Variants in PPP1R36 observed in about 807,000 individuals in gnomAD.
The protein encoded by PPP1R36 is chromosome 14 open reading frame 50.
Under a neutral mutation model 53.4 loss-of-function variants are expected in PPP1R36, and 47 were observed. The ratio of observed to expected loss-of-function variants is 0.88; its 90% CI spans 0.70 to 1.12. The LOEUF (loss-of-function observed/expected upper bound fraction) is 1.12, where lower values mean the gene tolerates loss of function less well. Among genes scored for constraint, PPP1R36 ranks in the 50% most tolerant of loss-of-function variants. The pLI is 0.00. For synonymous variants in PPP1R36, 153 were observed against 170.5 expected, an observed-to-expected ratio of 0.90 and a Z score of 0.80; for missense variants, 456 against 513.9, an observed-to-expected ratio of 0.89 and a Z score of 1.09.
intron 3 of PPP1R36, among the ~76,000 whole-genome samples, chr14:64,558,459 G>T (rs1173429089): frequency 6.6e-6 from 1 of 151,864 alleles, no homozygotes; most frequent in Non-Finnish European, 1.5e-5. Context: ...TGTGCCTGTG[G>T]TTCCAGATAC....
chr14:64,587,057 A>G (rs374343773), intron 9 of PPP1R36, 137 bp from the exon 10 acceptor site: 2 of 821,150 alleles, frequency 2.4e-6, no homozygotes, highest in Admixed American at 2.8e-5. Flanking sequence ...GAGTATGTGT[A>G]TAATTTTTCA....
chr14:64,561,717 C>T (rs914668119), intron 3 of PPP1R36: 27 of 453,990 alleles, frequency 5.9e-5, no homozygotes, highest in African/African-American at 5.0e-4. Flanking sequence ...CAGGCATCAT[C>T]TAGGTTGGCC....
chr14:64,554,601 G>A (rs367613719), intron 3 of PPP1R36, among the ~76,000 whole-genome samples: 1 of 152,200 alleles, frequency 6.6e-6, no homozygotes, highest in East Asian at 1.9e-4. Flanking sequence ...TGTTACTCCA[G>A]TTGGTGGTGA....
At chr14:64,550,317 C>A (rs1459335802) in intron 1 of PPP1R36, 2 of 1,316,246 alleles carry the variant, frequency 1.5e-6, no homozygotes, top group Non-Finnish European at 1.9e-6. Context: ...TCCCACCTCA[C>A]CACCTCTAAT....
At chr14:64,554,618 C>T (rs779727186) in intron 3 of PPP1R36, among the ~76,000 whole-genome samples, 3 of 152,068 alleles carry the variant, frequency 2.0e-5, no homozygotes, top group Non-Finnish European at 4.4e-5. Flanking sequence ...GTGAAGAGGC[C>T]AGGCTGAGGC....
chr14:64,552,369 A>G (rs2080101294), intron 2 of PPP1R36, among the ~76,000 whole-genome samples: 1 of 152,132 alleles, frequency 6.6e-6, no homozygotes, highest in Admixed American at 6.6e-5. Flanking sequence ...GGCACCTGTA[A>G]TCCCAGCTAC....
In PPP1R36 at chr14:64,565,728, T is replaced by C. The variant is rs375746000; in HGVS notation, c.434+36T>C. On this transcript the variant is annotated intron_variant, in intron 6 of 11. Transcript: ENST00000298705. The stretch of plus-strand genomic sequence containing the variant: ...CTTATGAGTCATTTTAGATCTTTTA[T>C]CCTTTATTTTTCAGTAACTTCATCT... 3 of 1,480,584 alleles carry C rather than the reference T, an allele frequency of 2.0e-6. No individual in the cohort carries two copies. The African/African-American group carries it at 4.2e-5, about 20-fold the overall frequency. 91.7% of individuals were successfully genotyped at this position (1,480,584 alleles called of 1,614,324 possible). A position where few individuals can be genotyped will look rare whatever the true frequency, so the allele number is the denominator to read the frequency against.
chr14:64,550,051 C>T lies in PPP1R36; in HGVS notation c.54C>T (p.Thr18=). 1 of 1,568,072 alleles carries T rather than the reference C, an allele frequency of 6.4e-7. No homozygotes were observed. Among genetic ancestry groups the T allele is most frequent in the Non-Finnish European group, 8.6e-7 (1 of 1,156,224 alleles). The change falls in exon 1 of 12, where the codon ACC becomes ACT. Residue 18 remains threonine (T), a synonymous_variant. Coordinates refer to ENST00000298705, the MANE Select transcript of PPP1R36 (RefSeq NM_172365.3). ...GGAGGAAGCGGTTAGGTGGGCAGACCCCTTACTTGATGGATGTAAGTGCAG... is the reference window on the plus strand; with the variant it reads ...GGAGGAAGCGGTTAGGTGGGCAGACTCCTTACTTGATGGATGTAAGTGCAG... ...YARRKRLGGQ[T]PYLMDQLGLR...
intron 11 of PPP1R36, among the ~76,000 whole-genome samples, chr14:64,588,821 A>C (rs2080459654): frequency 6.6e-6 from 1 of 151,956 alleles, no homozygotes; most frequent in South Asian, 2.1e-4. Context: ...CGGCCTCCCA[A>C]AGTGCTGGGA....
At chr14:64,570,788 G>A (rs1683962318) in intron 7 of PPP1R36, among the ~76,000 whole-genome samples, 1 of 152,210 alleles carries the variant, frequency 6.6e-6, no homozygotes, top group South Asian at 2.1e-4. Context: ...GGTGAAGATG[G>A]ATGGCAACGG....
At chr14:64,586,946 G>A in intron 9 of PPP1R36, 67 bp downstream of exon 9, 1 of 1,264,620 alleles carries the variant, frequency 7.9e-7, no homozygotes, top group South Asian at 1.2e-5. Context: ...ATGGCCATTT[G>A]TCAGGCACTT....
chr14:64,552,486 C>T (rs2080102880), intron 2 of PPP1R36, among the ~76,000 whole-genome samples: 1 of 151,258 alleles, frequency 6.6e-6, no homozygotes, highest in Non-Finnish European at 1.5e-5. Context: ...GAGACTCCAT[C>T]TCAAAAATAA....
intron 10 of PPP1R36, 76 bp downstream of exon 10, chr14:64,587,448 CTTTTTTTTTTTTTT>C (rs10708900): frequency 1.9e-3 from 215 of 110,904 alleles, no homozygotes; most frequent in East Asian, 8.9e-3. Context: ...CTTTTTTCTC[CTTTTTTTTTTTTTT>C]TTTTTTTTTT....
intron 8 of PPP1R36, among the ~76,000 whole-genome samples, chr14:64,577,851 G>A (rs1172840420): frequency 8.2e-5 from 12 of 145,972 alleles, no homozygotes; most frequent in Non-Finnish European, 3.0e-5. Context: ...TCAGCCTCCC[G>A]AGTAGCTGGG....
chr14:64,552,968 A>C, intron 3 of PPP1R36, 107 bp downstream of exon 3: 1 of 1,080,096 alleles, frequency 9.3e-7, no homozygotes, highest in Non-Finnish European at 1.4e-6. Context: ...ATAAATATTA[A>C]GTGCCAATTT....
chr14:64,566,474 C>T (rs2080257819), intron 6 of PPP1R36, among the ~76,000 whole-genome samples: 1 of 151,172 alleles, frequency 6.6e-6, no homozygotes, highest in African/African-American at 2.4e-5. Context: ...TACCCATTTA[C>T]TGAAGATCAC....
At chr14:64,576,576 C>T (rs2080343541) in intron 8 of PPP1R36, among the ~76,000 whole-genome samples, 1 of 152,164 alleles carries the variant, frequency 6.6e-6, no homozygotes, top group Admixed American at 6.5e-5. Flanking sequence ...GATATACTTT[C>T]AGTTCAGGCT....
At chr14:64,572,485 G>A (rs781256260) in intron 7 of PPP1R36, among the ~76,000 whole-genome samples, 8 of 152,082 alleles carry the variant, frequency 5.3e-5, no homozygotes, top group Non-Finnish European at 1.2e-4. Context: ...TTGTATATAG[G>A]TTAGCTTCTC....
chr14:64,564,878 T>A, intron 4 of PPP1R36, 41 bp downstream of exon 4: 6 of 1,331,264 alleles, frequency 4.5e-6, no homozygotes, highest in Non-Finnish European at 5.3e-6. Flanking sequence ...GCTGATAGCA[T>A]CTCTCAGTGG....
Sources: gnomAD v4.1 joint callset for allele counts (sites outside exome capture counted in the v4.1 genomes callset) on GRCh38, gnomAD v4.1.1 for gene constraint, MANE v1.5 for transcripts, NCBI Gene and HGNC (gene_info 2026-07-23, HGNC 2026-07-21) for gene names.